CELF2: variants seen among roughly 807,000 people sequenced by gnomAD.
CELF2 encodes the protein CUG triplet repeat RNA-binding protein 2.
Under a neutral mutation model 62.6 loss-of-function variants are expected in CELF2, and 8 were observed. That is an observed-to-expected ratio of 0.13 (90% CI 0.07 to 0.23). CELF2 has a LOEUF of 0.23. Ranked by LOEUF, CELF2 falls within the 10% of genes least tolerant of loss-of-function variation. The pLI is 1.00. For missense variants in CELF2, 333 were observed against 671.0 expected (o/e 0.50, Z 5.56); for synonymous variants, 258 against 250.0 (o/e 1.03, Z -0.30).
chr10:10,981,454 A>G (rs1229970192), intron 2 of CELF2, among the ~76,000 whole-genome samples: 1 of 152,230 alleles, frequency 6.6e-6, no homozygotes, highest in Non-Finnish European at 1.5e-5. Context: ...CAGCGACGGT[A>G]ATTTGCACAA....
chr10:10,727,665 A>G, the CELF2 span, among the ~76,000 whole-genome samples: 1 of 151,906 alleles, frequency 6.6e-6, no homozygotes, highest in Non-Finnish European at 1.5e-5. Context: ...AGTCCCAGCT[A>G]TTCGGGAGGC....
the CELF2 span, among the ~76,000 whole-genome samples, chr10:10,748,481 GC>G: frequency 2.0e-5 from 3 of 152,084 alleles, no homozygotes; most frequent in Non-Finnish European, 4.4e-5. Flanking sequence ...TGGCGCGGTG[GC>G]TCACGCCTGT....
chr10:10,575,523 GT>G, the CELF2 span, among the ~76,000 whole-genome samples: 498 of 152,286 alleles, frequency 3.3e-3, 2 homozygotes, highest in African/African-American at 0.012. Context: ...CAGGGTTTGA[GT>G]TTTTTGTTTT....
Position 11,305,814 on chromosome 10 carries a change from C to G in CELF2, c.977-8325C>G, listed in dbSNP as rs749037741. On this transcript the variant is annotated intron_variant, in intron 9 of 12. Coordinates refer to ENST00000633077, the MANE Select transcript of CELF2 (RefSeq NM_001326342.2). This position sits in a 1 kb window ranked among gnomAD's most constrained non-coding sequence, Gnocchi z 4.8. ...CAATTTGTAGTTTTCCAACAGTGAGCTTATCTGGGCAAACAAGCAAAGAAC... is the reference window on the plus strand; with the variant it reads ...CAATTTGTAGTTTTCCAACAGTGAGGTTATCTGGGCAAACAAGCAAAGAAC... 6.6e-6 allele frequency among the ~76,000 whole-genome samples: 1 copy of G among 152,210 alleles called. No homozygotes were observed. Among genetic ancestry groups the G allele is most frequent in the African/African-American group, 2.4e-5 (1 of 41,458 alleles).
At chr10:10,646,137 C>T in the CELF2 span, among the ~76,000 whole-genome samples, 1 of 152,128 alleles carries the variant, frequency 6.6e-6, no homozygotes, top group Non-Finnish European at 1.5e-5. Flanking sequence ...TGTTTTTTCC[C>T]TATGAGACAG....
chr10:11,249,291 G>T, intron 4 of CELF2, 90 bp downstream of exon 4: 1 of 1,044,746 alleles, frequency 9.6e-7, no homozygotes, highest in Non-Finnish European at 1.5e-6. Context: ...CGGCCCAGCT[G>T]CTTTTCTCTC....
chr10:11,275,820 G>A (rs1006678309), intron 8 of CELF2, among the ~76,000 whole-genome samples: 6 of 152,144 alleles, frequency 3.9e-5, no homozygotes, highest in African/African-American at 1.2e-4. Context: ...GCCACCTTCC[G>A]TGCCGATTTC....
Position 11,010,954 on chromosome 10 carries a change from A to G in CELF2, c.53+5514A>G, listed in dbSNP as rs2056362100. 1 of 152,266 alleles carries G rather than the reference A, an allele frequency of 6.6e-6. No individual in the cohort carries two copies. The highest frequency in any genetic ancestry group is 6.5e-5 in the Admixed American group (1 of 15,284). 9.4% of individuals were successfully genotyped at this position (152,266 alleles called of 1,614,324 possible). A position where few individuals can be genotyped will look rare whatever the true frequency, so the allele number is the denominator to read the frequency against. ...GGGCATAGGACTGAAGAAATGGAGC[A>G]CAGTGCTAATGCAGAAAGCATCTAG... On this transcript the variant is annotated intron_variant, in intron 1 of 12. Coordinates refer to the CELF2 transcript ENST00000416382. The surrounding 1 kb of genome is among the most constrained non-coding windows in gnomAD (Gnocchi z 4.1).
the CELF2 span, among the ~76,000 whole-genome samples, chr10:10,478,106 AAGTT>A: frequency 6.6e-6 from 1 of 152,168 alleles, no homozygotes; most frequent in African/African-American, 2.4e-5. Flanking sequence ...TCCAGGAAAA[AAGTT>A]AGCCATCAGA....
At chr10:10,724,358 G>A in the CELF2 span, among the ~76,000 whole-genome samples, 22 of 152,172 alleles carry the variant, frequency 1.4e-4, no homozygotes, top group South Asian at 3.7e-3. Flanking sequence ...GCTGGGTGTG[G>A]TGGCTCAGGC....
At chr10:11,060,503 T>C (rs1314968307) in intron 1 of CELF2, among the ~76,000 whole-genome samples, 1 of 152,222 alleles carries the variant, frequency 6.6e-6, no homozygotes, top group Non-Finnish European at 1.5e-5. Context: ...CCCTCAATGC[T>C]CCTGTCTTTA....
At chr10:11,006,434 C>T (rs1592995729) in intron 1 of CELF2, among the ~76,000 whole-genome samples, 1 of 152,188 alleles carries the variant, frequency 6.6e-6, no homozygotes, top group Admixed American at 6.5e-5. Context: ...TTATTTCTTA[C>T]CTCTCTGTTA....
the CELF2 span, among the ~76,000 whole-genome samples, chr10:10,561,086 G>C: frequency 6.6e-6 from 1 of 151,840 alleles, no homozygotes; most frequent in Non-Finnish European, 1.5e-5. Flanking sequence ...TCAGGTGATG[G>C]GTGCACCAGG....
chr10:11,317,843 G>C (rs567209701), intron 10 of CELF2: 2 of 152,388 alleles, frequency 1.3e-5, no homozygotes, highest in South Asian at 4.1e-4. Flanking sequence ...TGACGGGCCA[G>C]GTGCAGAGGC....
At chr10:10,622,462 G>A in the CELF2 span, among the ~76,000 whole-genome samples, 4 of 149,028 alleles carry the variant, frequency 2.7e-5, no homozygotes, top group Admixed American at 6.6e-5. Flanking sequence ...ACATACATAC[G>A]TATGTGTGTG....
chr10:10,830,279 T>TAAAAAAA (rs57725749), intron 1 of CELF2, among the ~76,000 whole-genome samples: 1 of 122,542 alleles, frequency 8.2e-6, no homozygotes, highest in Non-Finnish European at 1.7e-5. Context: ...GGAGTTCCTT[T>TAAAAAAA]AAAAAAAAAA....
intron 1 of CELF2, among the ~76,000 whole-genome samples, chr10:10,905,411 A>G (rs1387044445): frequency 2.0e-5 from 3 of 152,160 alleles, no homozygotes; most frequent in Admixed American, 6.5e-5. Context: ...TTAAATTGCC[A>G]TTAGAGTTTG....
the CELF2 span, among the ~76,000 whole-genome samples, chr10:10,677,921 C>G: frequency 6.6e-6 from 1 of 152,168 alleles, no homozygotes; most frequent in Non-Finnish European, 1.5e-5. Context: ...GCAAGTAATG[C>G]AATTGCCAGG....
intron 2 of CELF2, among the ~76,000 whole-genome samples, chr10:11,196,993 G>GAAAGAAAGAAAGAAAGAAA (rs1565228450): frequency 2.9e-5 from 2 of 68,926 alleles, no homozygotes; most frequent in African/African-American, 1.1e-4. Context: ...AAGAAAGAAA[G>GAAAGAAAGAAAGAAAGAAA]GAAGGAAGGA....
Sources: allele counts gnomAD v4.1 joint callset (sites outside exome capture counted in the v4.1 genomes callset), GRCh38; gene constraint gnomAD v4.1.1; non-coding constraint Gnocchi (gnomAD v3.1); transcripts MANE v1.5; gene names NCBI Gene and HGNC (gene_info 2026-07-23, HGNC 2026-07-21).